The following FBXW11 variants were observed in gnomAD, a reference collection of about 807,000 sequenced individuals.
FBXW11 encodes the protein F-box/WD repeat-containing protein 11.
In FBXW11, 19 loss-of-function variants were observed where a neutral mutation model predicts 77.6. The observed-to-expected ratio is 0.24, with a 90% CI of 0.17 to 0.36. The LOEUF is 0.36. FBXW11 is among the 10% of genes least tolerant of loss of function. The pLI is 1.00. For missense variants in FBXW11, 334 were observed against 704.2 expected (o/e 0.47, Z 5.95); for synonymous variants, 235 against 249.4 (o/e 0.94, Z 0.54).
intron 3 of FBXW11, among the ~76,000 whole-genome samples, chr5:171,912,143 T>C (rs546225530): frequency 1.3e-5 from 2 of 152,296 alleles, no homozygotes; most frequent in Admixed American, 6.5e-5. Flanking sequence ...CCTTTATAAA[T>C]ATCCAAAGGA....
At chr5:171,968,406 G>C (rs7447164) in intron 1 of FBXW11, among the ~76,000 whole-genome samples, 130,014 of 150,750 alleles carry the variant, frequency 0.86, 57,316 homozygotes, top group East Asian at 1. Flanking sequence ...TGCAGTGAGC[G>C]GAGATCAGCC....
chr5:171,981,381 C>T (rs904069547), intron 1 of FBXW11, among the ~76,000 whole-genome samples: 2 of 152,144 alleles, frequency 1.3e-5, no homozygotes, highest in African/African-American at 4.8e-5. Flanking sequence ...TTCTGTGAGC[C>T]TTTACAGCAA....
chr5:171,930,762 T>TAAAAAAAAAAAAAA (rs59700625), intron 2 of FBXW11, among the ~76,000 whole-genome samples: 2 of 126,534 alleles, frequency 1.6e-5, no homozygotes, highest in African/African-American at 2.9e-5. Flanking sequence ...AATAAAAAAA[T>TAAAAAAAAAAAAAA]AAAAAAAAAA....
chr5:171,898,495 G>T (rs914511208), intron 6 of FBXW11, among the ~76,000 whole-genome samples: 2 of 152,156 alleles, frequency 1.3e-5, no homozygotes, highest in Non-Finnish European at 2.9e-5. Context: ...TTACTGGTCT[G>T]GTGAAGTTAC....
intron 2 of FBXW11, among the ~76,000 whole-genome samples, chr5:171,944,143 A>C (rs1273055204): frequency 2.0e-5 from 3 of 152,186 alleles, no homozygotes; most frequent in African/African-American, 7.2e-5. Flanking sequence ...TTATGCTATG[A>C]GAAATTATAG....
At chr5:171,912,155 T>G (rs555770652) in intron 3 of FBXW11, among the ~76,000 whole-genome samples, 1 of 151,692 alleles carries the variant, frequency 6.6e-6, no homozygotes, top group Admixed American at 6.6e-5. Flanking sequence ...TCCAAAGGAG[T>G]CTTCAGTTTT....
intron 7 of FBXW11, among the ~76,000 whole-genome samples, chr5:171,890,501 A>AAC (rs1759272079): frequency 6.6e-6 from 1 of 151,832 alleles, no homozygotes; most frequent in East Asian, 1.9e-4. Flanking sequence ...AAAAAAAAAA[A>AAC]AAACTCTCAT....
At chr5:171,880,331 C>G (rs914339037) in intron 7 of FBXW11, among the ~76,000 whole-genome samples, 2 of 152,206 alleles carry the variant, frequency 1.3e-5, no homozygotes, top group South Asian at 2.1e-4. Flanking sequence ...CACCACACCA[C>G]TGTGATGACT....
intron 1 of FBXW11, among the ~76,000 whole-genome samples, chr5:171,975,211 C>G (rs1239370248): frequency 6.6e-6 from 1 of 152,162 alleles, no homozygotes; most frequent in African/African-American, 2.4e-5. Flanking sequence ...TGTGAAATTA[C>G]TAAATAAAAA....
chr5:171,927,573 T>C (rs1382030924), intron 2 of FBXW11, among the ~76,000 whole-genome samples: 2 of 152,234 alleles, frequency 1.3e-5, no homozygotes, highest in African/African-American at 4.8e-5. Context: ...TGGACCATTT[T>C]GGTACACAGA....
chr5:171,923,396 T>A (rs2113995331), intron 2 of FBXW11, among the ~76,000 whole-genome samples: 1 of 152,358 alleles, frequency 6.6e-6, no homozygotes, highest in East Asian at 1.9e-4. Flanking sequence ...TAATAAAGTT[T>A]AATGAAGTTT....
At chr5:171,870,651 C>A in intron 11 of FBXW11, 97 bp downstream of exon 11, 1 of 859,784 alleles carries the variant, frequency 1.2e-6, no homozygotes. Context: ...AGAAACCTAC[C>A]ATAGGACCTG....
chr5:171,961,931 G>C (rs1489235690), intron 1 of FBXW11, among the ~76,000 whole-genome samples: 1 of 152,210 alleles, frequency 6.6e-6, no homozygotes, highest in Non-Finnish European at 1.5e-5. Flanking sequence ...AAAGGCATGA[G>C]CCATGGCTCC....
chr5:171,963,283 G>A (rs1182890376), intron 1 of FBXW11, among the ~76,000 whole-genome samples: 1 of 151,916 alleles, frequency 6.6e-6, no homozygotes, highest in Admixed American at 6.6e-5. Context: ...ATTCATAAAG[G>A]GTAAGTAGGA....
chr5:171,949,808 A>G (rs972091093), intron 2 of FBXW11, among the ~76,000 whole-genome samples: 1 of 152,200 alleles, frequency 6.6e-6, no homozygotes, highest in African/African-American at 2.4e-5. Flanking sequence ...ATCCATCAAA[A>G]TCTCAACAAA....
At chr5:171,989,674 T>TA (rs981200733) in intron 1 of FBXW11, among the ~76,000 whole-genome samples, 1 of 152,218 alleles carries the variant, frequency 6.6e-6, no homozygotes, top group African/African-American at 2.4e-5. Flanking sequence ...GAACTGTTCT[T>TA]AAAAAAGAGT....
At chr5:171,930,756 AAAAAAT>A (rs1177863403) in intron 2 of FBXW11, among the ~76,000 whole-genome samples, 10 of 61,610 alleles carry the variant, frequency 1.6e-4, no homozygotes, top group African/African-American at 3.2e-4. Flanking sequence ...ATAAAAAATA[AAAAAAT>A]AAAAAAAAAA....
intron 6 of FBXW11, among the ~76,000 whole-genome samples, chr5:171,898,273 G>A (rs1165129815): frequency 6.6e-6 from 1 of 152,186 alleles, no homozygotes; most frequent in African/African-American, 2.4e-5. Context: ...GGGTGATATT[G>A]CATTGCCTAG....
chr5:171,993,969 T>C (rs1378967719), intron 1 of FBXW11, among the ~76,000 whole-genome samples: 10 of 152,240 alleles, frequency 6.6e-5, no homozygotes, highest in Non-Finnish European at 1.0e-4. Context: ...GGGACAGCAC[T>C]GTACTAAAAG....
Sources: gnomAD v4.1 joint callset for allele counts (sites outside exome capture counted in the v4.1 genomes callset) on GRCh38, gnomAD v4.1.1 for gene constraint, MANE v1.5 for transcripts, NCBI Gene and HGNC (gene_info 2026-07-23, HGNC 2026-07-21) for gene names.